Variants in HTR3A observed in about 807,000 individuals in gnomAD.
HTR3A encodes the protein 5-hydroxytryptamine receptor 3A.
HTR3A carries 45 observed loss-of-function variants against 54.8 expected under a neutral mutation model. The ratio of observed to expected loss-of-function variants is 0.82; its 90% CI spans 0.65 to 1.05. HTR3A has a LOEUF of 1.05. Ranked by LOEUF, HTR3A falls within the 50% of genes least tolerant of loss-of-function variation. The probability of loss-of-function intolerance (pLI) is 0.00; values close to 1 mark genes in which losing one functional copy is unlikely to be tolerated. For synonymous variants in HTR3A, 297 were observed against 256.0 expected (o/e 1.16, Z -1.53); for missense variants, 657 against 614.0 (o/e 1.07, Z -0.74).
At chr11:113,982,430 T>C (rs936339506) in intron 4 of HTR3A, among the ~76,000 whole-genome samples, 1 of 152,156 alleles carries the variant, frequency 6.6e-6, no homozygotes, top group Non-Finnish European at 1.5e-5. Flanking sequence ...CTGCTGGCTC[T>C]CCAGTTTCAA....
Position 113,986,552 on chromosome 11 carries a change from T to C in HTR3A, c.740T>C (p.Val247Ala). The change falls in exon 7 of 9, where the codon GTC becomes GCC. Residue 247 changes from valine (V) to alanine (A), a missense_variant. Val to Ala is a moderately conservative substitution (Grantham distance 64). Coordinates refer to ENST00000504030, the MANE Select transcript of HTR3A (RefSeq NM_000869.6). Reference protein sequence around the residue: ...VIRRRPLFYVVSLLLPSIFLM... With the variant: ...VIRRRPLFYVASLLLPSIFLM... ...CGCCGGCGGCCCCTCTTCTATGTGG[T>C]CAGCCTGCTACTGCCCAGCATCTTC... 6.2e-7 allele frequency: 1 copy of C among 1,613,018 alleles called. No individual in the cohort carries two copies. Among genetic ancestry groups the C allele is most frequent in the Non-Finnish European group, 8.5e-7 (1 of 1,180,010 alleles).
Position 113,975,397 on chromosome 11 carries a change from GC to G in HTR3A, c.67+6del. 6.2e-7 allele frequency: 1 copy of G among 1,610,500 alleles called. No individual in the cohort carries two copies. The highest frequency in any genetic ancestry group is 8.5e-7 in the Non-Finnish European group (1 of 1,179,476). ...CACTCCTGGCACAGGGAGAAGGTAA[GC>G]AGACTTCGGGAAGCAGCAGGACTTG... On this transcript the variant is annotated splice_donor_region_variant and intron_variant, in intron 1 of 8. Coordinates refer to ENST00000504030, the MANE Select transcript of HTR3A (RefSeq NM_000869.6).
chr11:113,990,220 T>C lies in HTR3A; in HGVS notation c.*457T>C. 1 of 455,004 alleles carries C rather than the reference T, an allele frequency of 2.2e-6. No individual in the cohort carries two copies. The highest frequency in any genetic ancestry group is 6.9e-5 in the East Asian group (1 of 14,436). The allele number at this position is 455,004 out of a possible 1,614,324, so 28.2% of individuals were successfully genotyped here. A position where few individuals can be genotyped will look rare whatever the true frequency, so the allele number is the denominator to read the frequency against. On this transcript the variant is annotated 3_prime_UTR_variant, in exon 9 of 9. Transcript: ENST00000504030. ...AGGCTTCTCTAACCCCTAGTGTCTTTTTTTTCTTCACCTCACTTGTGGCAG... is the reference window on the plus strand; with the variant it reads ...AGGCTTCTCTAACCCCTAGTGTCTTCTTTTTCTTCACCTCACTTGTGGCAG...
chr11:113,977,855 C>G lies in HTR3A; in HGVS notation c.152C>G (p.Pro51Arg). 1 of 1,614,194 alleles carries G rather than the reference C, an allele frequency of 6.2e-7. No individual in the cohort carries two copies. The highest frequency in any genetic ancestry group is 8.5e-7 in the Non-Finnish European group (1 of 1,180,040). ...ACCAACTACAGGAAGGGTGTGCGCC[C>G]CGTGAGGGACTGGAGGAAGCCAACC... ...LLTNYRKGVR[P>R]VRDWRKPTTV... Residue 51 changes from proline to arginine, a missense_variant, in exon 2 of 9, where the codon CCC (proline) becomes CGC (arginine). Pro to Arg is a moderately radical substitution (Grantham distance 103). Transcript: ENST00000504030.
chr11:113,977,982 T>A (rs1159917567), intron 2 of HTR3A, 60 bp downstream of exon 2: 1 of 1,597,212 alleles, frequency 6.3e-7, no homozygotes, highest in Non-Finnish European at 8.6e-7. Flanking sequence ...GAAGGCCATG[T>A]GAGACAAGTC....
intron 1 of HTR3A, among the ~76,000 whole-genome samples, chr11:113,977,046 C>G (rs1432456660): frequency 6.6e-6 from 1 of 152,070 alleles, no homozygotes; most frequent in African/African-American, 2.4e-5. Context: ...TTGATTTCTT[C>G]TCACTCCCTC....
rs1242700744 is a variant in HTR3A at position 113,976,430 on chromosome 11, C to T, written c.67+1038C>T. Reference sequence around the variant, plus strand: ...CGGGTCTGCGTTTGAATCTCAGTTCCTCCACTTGCAGAGCAAGGTGCTCAC... The same window carrying T: ...CGGGTCTGCGTTTGAATCTCAGTTCTTCCACTTGCAGAGCAAGGTGCTCAC... On this transcript the variant is annotated intron_variant, in intron 1 of 8. Transcript: ENST00000504030. Among the ~76,000 whole-genome samples, 3 of 152,072 alleles carry T rather than the reference C, an allele frequency of 2.0e-5. No individual in the cohort carries two copies. The South Asian group carries it at 6.2e-4, about 32-fold the overall frequency.
rs773322419 is a variant in HTR3A at position 113,983,272 on chromosome 11, C to T, written c.527C>T (p.Thr176Ile). Residue 176 changes from threonine to isoleucine, a missense_variant, in exon 5 of 9, where the codon ACC becomes ATC. Transcript: ENST00000504030. ...FDVQNCSLTFTSWLHTIQDIN... is the reference protein window; with the variant it reads ...FDVQNCSLTFISWLHTIQDIN... The stretch of plus-strand genomic sequence containing the variant: ...GTCCAGAACTGCTCGCTGACCTTCA[C>T]CAGTTGGCTGCACACCAGTGAGTAT... 1.2e-6 allele frequency: 2 copies of T among 1,614,008 alleles called. No homozygotes were observed. Among genetic ancestry groups the T allele is most frequent in the Admixed American group, 1.7e-5 (1 of 60,010 alleles).
chr11:113,978,324 T>C (rs1950379474), intron 2 of HTR3A, among the ~76,000 whole-genome samples: 1 of 152,092 alleles, frequency 6.6e-6, no homozygotes, highest in Admixed American at 6.5e-5. Flanking sequence ...AACAGATCAA[T>C]TATTCCTCAA....
rs753712126 is a variant in HTR3A at position 113,990,265 on chromosome 11, C to G, written c.*502C>G. ...TGGCAGCTTCCCTGAACACTCATCC[C>G]CCATCAGATGATGGGAGTGGGAAGA... On this transcript the variant is annotated 3_prime_UTR_variant, in exon 9 of 9. Transcript: ENST00000504030. 8.7e-5 allele frequency: 39 copies of G among 450,378 alleles called. No homozygotes were observed. The highest frequency in any genetic ancestry group is 1.3e-4 in the Non-Finnish European group (30 of 223,966). 27.9% of individuals were successfully genotyped at this position (450,378 alleles called of 1,614,324 possible). A position where few individuals can be genotyped will look rare whatever the true frequency, so the allele number is the denominator to read the frequency against.
chr11:113,979,045 A>G (rs1036174321), intron 2 of HTR3A, among the ~76,000 whole-genome samples, 188 bp from the exon 3 acceptor site: 2 of 152,190 alleles, frequency 1.3e-5, no homozygotes, highest in African/African-American at 2.4e-5. Context: ...GCTCTAGTGA[A>G]CAACTAACTT....
At chr11:113,981,985 G>A (rs1035481965) in intron 4 of HTR3A, among the ~76,000 whole-genome samples, 1 of 151,806 alleles carries the variant, frequency 6.6e-6, no homozygotes, top group Non-Finnish European at 1.5e-5. Context: ...CAAAAAACTG[G>A]AACACTGATA....
rs1216138878 is a variant in HTR3A at position 113,975,441 on chromosome 11, G to A, written c.67+49G>A. ...AGGACTTGGCTGACCATCTGCTGAGGTGGGGCAGGGGATGCTTCAGTCCTC... is the reference window on the plus strand; with the variant it reads ...AGGACTTGGCTGACCATCTGCTGAGATGGGGCAGGGGATGCTTCAGTCCTC... On this transcript the variant is annotated intron_variant, in intron 1 of 8. Coordinates refer to ENST00000504030, the MANE Select transcript of HTR3A (RefSeq NM_000869.6). 5 of 1,494,720 alleles carry A rather than the reference G, an allele frequency of 3.3e-6. No homozygotes were observed. In the African/African-American group the frequency reaches 4.1e-5, roughly 12 times the overall value. 92.6% of individuals were successfully genotyped at this position (1,494,720 alleles called of 1,614,324 possible).
chr11:113,986,324 C>A, intron 6 of HTR3A, 149 bp downstream of exon 6: 1 of 1,152,062 alleles, frequency 8.7e-7, no homozygotes, highest in Non-Finnish European at 1.3e-6. Flanking sequence ...GGAGAAACTC[C>A]ATGAATGTCC....
Position 113,987,010 on chromosome 11 carries a change from G to C in HTR3A, c.1102G>C (p.Ala368Pro), listed in dbSNP as rs775415926. 22 of 1,613,796 alleles carry C rather than the reference G, an allele frequency of 1.4e-5. No homozygotes were observed. The highest frequency in any genetic ancestry group is 1.8e-5 in the Non-Finnish European group (21 of 1,180,034). The change falls in exon 8 of 9, where the codon GCC becomes CCC. Residue 368 changes from alanine to proline, a missense_variant. By Grantham distance (27) the Ala-to-Pro change is conservative (BLOSUM62 -1). Transcript: ENST00000504030. The stretch of plus-strand genomic sequence containing the variant: ...GCAGTCAACTTCCCAGAGGCCCCCA[G>C]CCACCTCCCAAGCCACCAAGACTGA... The part of the protein sequence containing the change: ...REQSTSQRPP[A>P]TSQATKTDDC...
At chr11:113,983,429 T>G in intron 5 of HTR3A, 140 bp downstream of exon 5, 1 of 864,924 alleles carries the variant, frequency 1.2e-6, no homozygotes, top group Non-Finnish European at 1.9e-6. Context: ...ATCCTCTGCA[T>G]GAGGTAGATC....
chr11:113,976,692 G>A (rs1456115313), intron 1 of HTR3A, among the ~76,000 whole-genome samples: 4 of 143,346 alleles, frequency 2.8e-5, no homozygotes, highest in Non-Finnish European at 6.0e-5. Context: ...GGGGGAATCT[G>A]CAGGAGTGAT....
intron 3 of HTR3A, among the ~76,000 whole-genome samples, chr11:113,980,126 G>C (rs1372096944): frequency 6.6e-6 from 1 of 152,216 alleles, no homozygotes; most frequent in Non-Finnish European, 1.5e-5. Flanking sequence ...AGTGTCCAAA[G>C]GGAAGGGACC....
chr11:113,986,502 T>A lies in HTR3A; in HGVS notation c.706-16T>A. ...TGTTTGCCCCAGGCTTCCCACAAGC[T>A]CTTCTCCGGTCCCAGGTGGTCATCC... On this transcript the variant is annotated splice_polypyrimidine_tract_variant and intron_variant, in intron 6 of 8. Transcript: ENST00000504030. The A allele has an allele frequency of 6.2e-7, 1 of 1,611,460 alleles. No homozygotes were observed. Among genetic ancestry groups the A allele is most frequent in the East Asian group, 2.2e-5 (1 of 44,862 alleles).
Sources: gnomAD v4.1 joint callset for allele counts (sites outside exome capture counted in the v4.1 genomes callset) on GRCh38, gnomAD v4.1.1 for gene constraint, MANE v1.5 for transcripts, NCBI Gene and HGNC (gene_info 2026-07-23, HGNC 2026-07-21) for gene names.